Variants in ANKS1A observed in about 807,000 individuals in gnomAD.
The protein encoded by ANKS1A is ankyrin repeat and sterile alpha motif domain containing 1A, also known as ankyrin repeat and SAM domain-containing protein 1A.
Under a neutral mutation model 120.3 loss-of-function variants are expected in ANKS1A, and 55 were observed. That is an observed-to-expected ratio of 0.46 (90% CI 0.37 to 0.57). ANKS1A has a LOEUF of 0.57. ANKS1A is among the 20% of genes least tolerant of loss of function. The pLI is 0.00. For missense variants in ANKS1A, 1,123 were observed against 1,480.3 expected (o/e 0.76, Z 3.96); for synonymous variants, 590 against 604.7 (o/e 0.98, Z 0.36).
At chr6:35,015,866 TG>T (rs936136034) in intron 10 of ANKS1A, among the ~76,000 whole-genome samples, 3 of 152,250 alleles carry the variant, frequency 2.0e-5, no homozygotes, top group African/African-American at 7.2e-5. Context: ...CTGCTCATTT[TG>T]CACCCCTCCT....
At chr6:35,017,409 T>G (rs1391547228) in intron 10 of ANKS1A, 64 bp from the exon 11 acceptor site, 3 of 1,516,252 alleles carry the variant, frequency 2.0e-6, no homozygotes, top group African/African-American at 2.8e-5. Context: ...CTTGCTGCAT[T>G]GGAACTTTGT....
chr6:34,899,173 AT>A (rs1226875070), intron 1 of ANKS1A, among the ~76,000 whole-genome samples: 5 of 152,206 alleles, frequency 3.3e-5, no homozygotes, highest in Non-Finnish European at 7.3e-5. Context: ...GGGAAGTAAT[AT>A]ACTGATTTAT....
chr6:34,903,955 G>A (rs1767505498), intron 1 of ANKS1A, among the ~76,000 whole-genome samples: 1 of 152,206 alleles, frequency 6.6e-6, no homozygotes, highest in South Asian at 2.1e-4. Context: ...CTCCCAAGGT[G>A]CTGGGATTAC....
intron 10 of ANKS1A, 129 bp from the exon 11 acceptor site, chr6:35,017,344 A>T: frequency 1.1e-6 from 1 of 926,228 alleles, no homozygotes; most frequent in Non-Finnish European, 1.6e-6. Context: ...CCCCCTCCCC[A>T]GCCTATCCAG....
At chr6:34,947,412 G>T (rs564909690) in intron 1 of ANKS1A, among the ~76,000 whole-genome samples, 3 of 152,072 alleles carry the variant, frequency 2.0e-5, no homozygotes, top group Non-Finnish European at 2.9e-5. Context: ...CTTCCAAAGT[G>T]CTGGAATTAC....
At chr6:35,069,627 AC>A (rs1395179466) in intron 13 of ANKS1A, among the ~76,000 whole-genome samples, 3 of 151,460 alleles carry the variant, frequency 2.0e-5, no homozygotes, top group Non-Finnish European at 2.9e-5. Flanking sequence ...TGCAGCCCTG[AC>A]CCCCCAGGCT....
At chr6:34,918,060 C>T (rs970147335) in intron 1 of ANKS1A, among the ~76,000 whole-genome samples, 7 of 152,154 alleles carry the variant, frequency 4.6e-5, no homozygotes, top group African/African-American at 2.4e-5. Context: ...CCCTCTCTGC[C>T]GTGTTCCTAG....
intron 11 of ANKS1A, among the ~76,000 whole-genome samples, chr6:35,040,268 C>G (rs1046727911): frequency 4.6e-5 from 7 of 152,196 alleles, no homozygotes; most frequent in Non-Finnish European, 1.0e-4. Context: ...CTATTTAGCC[C>G]CTCCGAGCCT....
At chr6:34,986,622 A>G (rs1374735383) in intron 8 of ANKS1A, among the ~76,000 whole-genome samples, 2 of 152,184 alleles carry the variant, frequency 1.3e-5, no homozygotes, top group Admixed American at 6.5e-5. Flanking sequence ...TGCCCTGGGA[A>G]TGACCTTATG....
chr6:34,892,328 A>G (rs1766863566), intron 1 of ANKS1A, among the ~76,000 whole-genome samples: 2 of 152,122 alleles, frequency 1.3e-5, no homozygotes, highest in Admixed American at 6.5e-5. Context: ...CCCTTTTTAG[A>G]TGTGGACATA....
At chr6:35,066,075 T>G (rs1776758957) in intron 13 of ANKS1A, among the ~76,000 whole-genome samples, 1 of 152,264 alleles carries the variant, frequency 6.6e-6, no homozygotes, top group South Asian at 2.1e-4. Context: ...TGTGTGACTT[T>G]CGGCAGGTTA....
In ANKS1A at chr6:35,019,696, A is replaced by G. The variant is rs921652770; in HGVS notation, c.2010+1637A>G. Among the ~76,000 whole-genome samples, 15 of 152,306 alleles carry G rather than the reference A, an allele frequency of 9.8e-5. No individual in the cohort carries two copies. In the East Asian group the frequency reaches 2.3e-3, roughly 23 times the overall value. On this transcript the variant is annotated intron_variant, in intron 11 of 23. Coordinates refer to ENST00000360359, the MANE Select transcript of ANKS1A (RefSeq NM_015245.3). The stretch of plus-strand genomic sequence containing the variant: ...GCTCTACCTTTGTTTTTTAAAACAG[A>G]GTTTTACTAATTTACAGTCAGCTAT...
intron 10 of ANKS1A, among the ~76,000 whole-genome samples, chr6:34,998,229 C>T (rs1269704156): frequency 6.6e-6 from 1 of 152,170 alleles, no homozygotes; most frequent in South Asian, 2.1e-4. Flanking sequence ...TTCTGTATTT[C>T]CTTTAATGTC....
intron 11 of ANKS1A, among the ~76,000 whole-genome samples, chr6:35,028,552 A>G (rs1458476775): frequency 6.6e-6 from 1 of 152,254 alleles, no homozygotes; most frequent in Non-Finnish European, 1.5e-5. Flanking sequence ...AAGACTATAT[A>G]GTGAAAAATA....
intron 1 of ANKS1A, among the ~76,000 whole-genome samples, chr6:34,965,466 C>T (rs754630237): frequency 6.6e-6 from 1 of 152,118 alleles, no homozygotes; most frequent in African/African-American, 2.4e-5. Context: ...ATTCTCCTGT[C>T]TCAGCCTCCT....
intron 1 of ANKS1A, among the ~76,000 whole-genome samples, chr6:34,947,032 A>T (rs747190834): frequency 1.3e-5 from 2 of 152,218 alleles, no homozygotes; most frequent in Non-Finnish European, 2.9e-5. Flanking sequence ...TAAAGTTTGT[A>T]AAATGCAAAT....
Position 35,086,952 on chromosome 6 carries a change from C to T in ANKS1A, c.3304C>T (p.Leu1102=). The T allele has an allele frequency of 6.2e-7, 1 of 1,614,162 alleles. No individual in the cohort carries two copies. The highest frequency in any genetic ancestry group is 8.5e-7 in the Non-Finnish European group (1 of 1,180,000). The change falls in exon 23 of 24, where the codon CTG becomes TTG. Residue 1102 remains leucine (L), a splice_region_variant and synonymous_variant. Transcript: ENST00000360359. The surrounding 1 kb of genome is among the most constrained non-coding windows in gnomAD (Gnocchi z 5.1). ...TCTTGACTGCTTCCTTGTTTGGCAG[C>T]TGGAACCACCTGATATGGACCAAGA... The part of the protein sequence containing the change: ...KPRVGVRKSA[L]EPPDMDQDAQ...
chr6:35,080,760 G>T (rs1347997618), intron 16 of ANKS1A, among the ~76,000 whole-genome samples: 3 of 152,094 alleles, frequency 2.0e-5, no homozygotes, highest in Admixed American at 1.3e-4. Context: ...CAGGACAGAA[G>T]ATTTAATCTT....
At chr6:34,919,869 C>T (rs945265830) in intron 1 of ANKS1A, among the ~76,000 whole-genome samples, 29 of 152,070 alleles carry the variant, frequency 1.9e-4, no homozygotes, top group African/African-American at 5.8e-4. Flanking sequence ...GAAGTCTTCC[C>T]AGTTCTGCTT....
Sources: gnomAD v4.1 joint callset for allele counts (sites outside exome capture counted in the v4.1 genomes callset) on GRCh38, gnomAD v4.1.1 for gene constraint, Gnocchi (gnomAD v3.1) non-coding constraint, MANE v1.5 for transcripts, NCBI Gene and HGNC (gene_info 2026-07-23, HGNC 2026-07-21) for gene names.